Variants in SRGAP2B observed in about 807,000 individuals in gnomAD.
The protein encoded by SRGAP2B is SLIT-ROBO Rho GTPase activating protein 2B, also known as SLIT-ROBO Rho GTPase-activating protein 2B.
Under a neutral mutation model 22.2 loss-of-function variants are expected in SRGAP2B, and 9 were observed. That is an observed-to-expected ratio of 0.41 (90% CI 0.24 to 0.71). The LOEUF is 0.71. Ranked by LOEUF, SRGAP2B falls within the 30% of genes least tolerant of loss-of-function variation. SRGAP2B has a pLI of 0.35. For synonymous variants in SRGAP2B, 36 were observed against 87.4 expected, an observed-to-expected ratio of 0.41 and a Z score of 3.28; for missense variants, 114 against 235.8, an observed-to-expected ratio of 0.48 and a Z score of 3.38.
chr1:144,970,653 A>AG (rs1229217978), intron 3 of SRGAP2B, among the ~76,000 whole-genome samples: 3 of 149,066 alleles, frequency 2.0e-5, no homozygotes, highest in African/African-American at 7.6e-5. Context: ...ATTAAAAAAA[A>AG]AAAAAAGCAT....
intron 2 of SRGAP2B, among the ~76,000 whole-genome samples, chr1:144,999,118 T>C (rs1411879100): frequency 1.3e-5 from 2 of 150,838 alleles, no homozygotes; most frequent in Admixed American, 6.6e-5. Context: ...ACACCACTCA[T>C]ACCACTTACA....
chr1:145,062,756 GAC>G, intron 2 of SRGAP2B, among the ~76,000 whole-genome samples: 1 of 148,826 alleles, frequency 6.7e-6, no homozygotes, highest in Non-Finnish European at 1.5e-5. Flanking sequence ...TGAGTCACCT[GAC>G]ATTAGTCTTA....
chr1:144,964,936 G>A (rs1667957191), intron 3 of SRGAP2B: 2 of 836,480 alleles, frequency 2.4e-6, no homozygotes, highest in Non-Finnish European at 2.0e-6. Flanking sequence ...AATAAATAGA[G>A]ACGGAGGTAG....
At chr1:144,971,121 G>A (rs1553613161) in intron 3 of SRGAP2B, among the ~76,000 whole-genome samples, 2 of 149,186 alleles carry the variant, frequency 1.3e-5, no homozygotes, top group Admixed American at 6.6e-5. Context: ...ATACTAAATA[G>A]GAACACTTCC....
chr1:144,955,275 A>AG (rs1375913110), intron 4 of SRGAP2B, among the ~76,000 whole-genome samples, 164 bp downstream of exon 4: 1 of 145,528 alleles, frequency 6.9e-6, no homozygotes. Context: ...TTTAGGTTCA[A>AG]GGGGGGTATA....
intron 3 of SRGAP2B, among the ~76,000 whole-genome samples, chr1:144,990,840 A>T (rs1553616932): frequency 6.6e-6 from 1 of 151,400 alleles, no homozygotes; most frequent in Admixed American, 6.6e-5. Flanking sequence ...GTGCCGGCCC[A>T]TCGGCGCTGT....
Position 144,909,260 on chromosome 1 carries a change from G to T in SRGAP2B, c.487-3186C>A, listed in dbSNP as rs1229340541. ...GAGAAATAAGTAGCAGTGGGATGAA[G>T]GTAGAGCTAAACACAAAATAAGCTA... On this transcript the variant is annotated intron_variant, in intron 5 of 9. Coordinates refer to ENST00000612199, the Ensembl canonical transcript of SRGAP2B. Among the ~76,000 whole-genome samples the T allele has an allele frequency of 7.6e-3, 1,112 of 146,660 alleles. 10 individuals carry two copies. The highest frequency in any genetic ancestry group is 0.017 in the Middle Eastern group (5 of 286).
chr1:144,967,533 A>G (rs1245189656), intron 3 of SRGAP2B, among the ~76,000 whole-genome samples: 1 of 148,856 alleles, frequency 6.7e-6, no homozygotes, highest in African/African-American at 2.6e-5. Context: ...CCCACAAGAG[A>G]AAGCAGGAAA....
rs1320516055 is a variant in SRGAP2B, at chr1:144,923,700, G to GTGGCTCCCAGA, written c.424-8957_424-8947dup. On this transcript the variant is annotated intron_variant, in intron 4 of 9. Transcript: ENST00000612199. ...GCTGGGGGATGGAAAGAATGCCTGTGTGGCTCCCAGATGGCTGAGCCAGGC... is the reference window on the plus strand; with the variant it reads ...GCTGGGGGATGGAAAGAATGCCTGTGTGGCTCCCAGATGGCTCCCAGATGGCTGAGCCAGGC... 5.5e-4 allele frequency among the ~76,000 whole-genome samples: 55 copies of GTGGCTCCCAGA among 100,772 alleles called. 1 individual carries two copies. Among genetic ancestry groups the GTGGCTCCCAGA allele is most frequent in the Non-Finnish European group, 9.7e-5 (5 of 51,806 alleles). 66.1% of individuals were successfully genotyped at this position (100,772 alleles called of 152,430 possible).
At position 144,964,891 on chromosome 1, in the gene SRGAP2B, G is replaced by C. The variant is rs587655050; in HGVS notation, c.261-9290C>G. 247 of 628,322 alleles carry C rather than the reference G, an allele frequency of 3.9e-4. 1 individual carries two copies. The highest frequency in any genetic ancestry group is 6.1e-4 in the Non-Finnish European group (212 of 348,012). 38.9% of individuals were successfully genotyped at this position (628,322 alleles called of 1,614,324 possible). On this transcript the variant is annotated intron_variant, in intron 3 of 9. Coordinates refer to ENST00000612199, the Ensembl canonical transcript of SRGAP2B. ...CAATGATTGTGCCTGTAAATGACCA[G>C]CCTGGGTAACATAGGACCTGTCTCT... is the stretch of plus-strand genomic sequence containing the variant.
intron 4 of SRGAP2B, among the ~76,000 whole-genome samples, chr1:144,924,580 A>T (rs1664509966): frequency 6.6e-6 from 1 of 151,320 alleles, no homozygotes; most frequent in South Asian, 2.1e-4. Context: ...TACAAAAAAA[A>T]AGTTAGCCGG....
intron 4 of SRGAP2B, among the ~76,000 whole-genome samples, chr1:144,920,515 C>A (rs1664157894): frequency 6.7e-6 from 1 of 150,000 alleles, no homozygotes; most frequent in African/African-American, 2.5e-5. Context: ...TCAAACAATC[C>A]TCCTGCCTCA....
At chr1:144,943,763 A>G (rs1434079330) in intron 4 of SRGAP2B, among the ~76,000 whole-genome samples, 1 of 149,118 alleles carries the variant, frequency 6.7e-6, no homozygotes, top group Non-Finnish European at 1.5e-5. Flanking sequence ...TAATGTTCAT[A>G]GCAGCATTAT....
At chr1:145,041,104 T>TATAG (rs1649203309) in intron 2 of SRGAP2B, among the ~76,000 whole-genome samples, 1 of 109,474 alleles carries the variant, frequency 9.1e-6, no homozygotes, top group Non-Finnish European at 1.8e-5. Context: ...TATATATATA[T>TATAG]ATAGTCTGCT....
In SRGAP2B at chr1:144,911,480, A is replaced by G. The variant is rs1459995776; in HGVS notation, c.486+3212T>C. On this transcript the variant is annotated intron_variant, in intron 5 of 9. Transcript: ENST00000612199. ...TAGAACTTTTCCAGTTTCAGCACTG[A>G]CAATTTCATGTCCCAGGAAACTCTT... Among the ~76,000 whole-genome samples the G allele has an allele frequency of 2.0e-4, 30 of 149,324 alleles. 2 individuals are homozygous for G. The highest frequency in any genetic ancestry group is 7.4e-4 in the African/African-American group (29 of 39,376).
chr1:145,017,127 G>A (rs1278009259), intron 2 of SRGAP2B, among the ~76,000 whole-genome samples: 2 of 138,876 alleles, frequency 1.4e-5, no homozygotes, highest in African/African-American at 2.9e-5. Context: ...ACAGGATTTC[G>A]CTATGTTGGC....
At chr1:145,007,681 T>C (rs1390404670) in intron 2 of SRGAP2B, among the ~76,000 whole-genome samples, 1 of 150,864 alleles carries the variant, frequency 6.6e-6, no homozygotes, top group Non-Finnish European at 1.5e-5. Flanking sequence ...AATGTCCCTA[T>C]TCTGTAAAAT....
chr1:144,920,958 G>A (rs1358347061), intron 4 of SRGAP2B, among the ~76,000 whole-genome samples: 1 of 149,434 alleles, frequency 6.7e-6, no homozygotes, highest in Non-Finnish European at 1.5e-5. Flanking sequence ...AGAAATGGCT[G>A]GATTTTAGGG....
intron 3 of SRGAP2B, among the ~76,000 whole-genome samples, chr1:144,973,943 G>C (rs1668715448): frequency 1.3e-5 from 2 of 148,606 alleles, no homozygotes; most frequent in African/African-American, 5.1e-5. Flanking sequence ...TTATTTGCAA[G>C]CTGGTGAATT....
Sources: gnomAD v4.1 joint callset for allele counts (sites outside exome capture counted in the v4.1 genomes callset) on GRCh38, gnomAD v4.1.1 for gene constraint, MANE v1.5 for transcripts, NCBI Gene and HGNC (gene_info 2026-07-23, HGNC 2026-07-21) for gene names.